PRKN: variants seen among roughly 807,000 people sequenced by gnomAD.
The protein encoded by PRKN is parkin RBR E3 ubiquitin protein ligase.
PRKN carries 56 observed loss-of-function variants against 59.5 expected under a neutral mutation model. That is an observed-to-expected ratio of 0.94 (90% CI 0.76 to 1.18). The LOEUF (loss-of-function observed/expected upper bound fraction) is 1.18. Ranked by LOEUF, PRKN falls within the 50% of genes most tolerant of loss-of-function variation. The pLI is 0.00. For synonymous variants in PRKN, 250 were observed against 222.1 expected, an observed-to-expected ratio of 1.13 and a Z score of -1.12; for missense variants, 657 against 596.4, an observed-to-expected ratio of 1.10 and a Z score of -1.06.
chr6:161,736,648 T>C (rs527365818), intron 7 of PRKN, among the ~76,000 whole-genome samples: 1 of 152,202 alleles, frequency 6.6e-6, no homozygotes, highest in Non-Finnish European at 1.5e-5. Context: ...TAGCAGGACA[T>C]CCAGCTAGGA....
At chr6:162,279,186 A>T (rs1280584394) in intron 2 of PRKN, among the ~76,000 whole-genome samples, 1 of 151,836 alleles carries the variant, frequency 6.6e-6, no homozygotes, top group Non-Finnish European at 1.5e-5. Flanking sequence ...AAAATACAAA[A>T]AATTAGCCAG....
chr6:162,572,050 T>A (rs1780354522), intron 1 of PRKN, among the ~76,000 whole-genome samples: 1 of 151,982 alleles, frequency 6.6e-6, no homozygotes, highest in Admixed American at 6.6e-5. Flanking sequence ...TCTTTGACTA[T>A]CCCCCATCTC....
intron 6 of PRKN, among the ~76,000 whole-genome samples, chr6:161,892,784 C>A (rs1246459813): frequency 6.6e-5 from 10 of 152,132 alleles, no homozygotes; most frequent in African/African-American, 1.4e-4. Context: ...AATTAATGGT[C>A]ATTTTGTGAA....
At chr6:161,974,337 C>T (rs75431673) in intron 5 of PRKN, among the ~76,000 whole-genome samples, 13,720 of 152,136 alleles carry the variant, frequency 0.09, 734 homozygotes, top group African/African-American at 0.14. Flanking sequence ...AGCATTCCTG[C>T]GAAGACTCTG....
intron 6 of PRKN, among the ~76,000 whole-genome samples, chr6:161,932,128 T>G (rs1007287745): frequency 2.5e-4 from 38 of 152,086 alleles, no homozygotes; most frequent in African/African-American, 8.9e-4. Flanking sequence ...TATAAAAAAT[T>G]CAGAAATATT....
At position 161,369,687 on chromosome 6, in the gene PRKN, G is replaced by A. The variant is rs1292135287; in HGVS notation, c.1168-9482C>T. Among the ~76,000 whole-genome samples, 2 of 151,990 alleles carry A rather than the reference G, an allele frequency of 1.3e-5. No homozygotes were observed. The highest frequency in any genetic ancestry group is 6.6e-5 in the Admixed American group (1 of 15,250). On this transcript the variant is annotated intron_variant, in intron 10 of 11. Coordinates refer to ENST00000366898, the MANE Select transcript of PRKN (RefSeq NM_004562.3). This position sits in a 1 kb window ranked among gnomAD's most constrained non-coding sequence, Gnocchi z 5.8. ...TGTACGCACGCGTGGTGGAGGTGGG[G>A]GTGGAACAGGACAAGTCTCTCTCCT... is the stretch of plus-strand genomic sequence containing the variant.
intron 7 of PRKN, among the ~76,000 whole-genome samples, chr6:161,718,353 A>G (rs188137252): frequency 6.8e-6 from 1 of 146,134 alleles, no homozygotes; most frequent in East Asian, 1.9e-4. Context: ...AATAATTCCC[A>G]TATGACTCAG....
chr6:162,568,733 G>A (rs1780190014), intron 1 of PRKN: 28 of 759,182 alleles, frequency 3.7e-5, no homozygotes, highest in South Asian at 3.5e-4. Context: ...ACATGTTCAA[G>A]AGCTACATCA....
At chr6:162,002,992 AT>A (rs377570310) in intron 5 of PRKN, among the ~76,000 whole-genome samples, 377 of 152,056 alleles carry the variant, frequency 2.5e-3, no homozygotes, top group African/African-American at 7.3e-3. Context: ...TATGATTTCT[AT>A]TCTTTTAAAT....
At chr6:161,794,184 C>T (rs1210267538) in intron 6 of PRKN, among the ~76,000 whole-genome samples, 1 of 152,094 alleles carries the variant, frequency 6.6e-6, no homozygotes, top group Non-Finnish European at 1.5e-5. Context: ...TATTTACTGT[C>T]ATGAAAGGAA....
chr6:161,583,890 T>C lies in PRKN; in HGVS notation c.872-14474A>G, dbSNP rs541678752. On this transcript the variant is annotated intron_variant, in intron 7 of 11. Transcript: ENST00000366898. ...CAGTGAGTCACCTAGACATGCATAT[T>C]TGCAAACCATTCAGAGGCATTAAAT... Among the ~76,000 whole-genome samples the C allele has an allele frequency of 3.1e-4, 47 of 152,330 alleles. No homozygotes were observed. The South Asian group carries it at 9.1e-3, about 30-fold the overall frequency.
chr6:161,539,556 T>C (rs116050316), intron 9 of PRKN, among the ~76,000 whole-genome samples: 2 of 80,664 alleles, frequency 2.5e-5, no homozygotes, highest in East Asian at 3.6e-4. Context: ...AAATTCTACC[T>C]AATAATAATT....
rs1273608531 is a variant in PRKN, at chr6:162,342,744, T to G, written c.172-79979A>C. Among the ~76,000 whole-genome samples, 3 of 152,174 alleles carry G rather than the reference T, an allele frequency of 2.0e-5. No individual in the cohort carries two copies. In the East Asian group the frequency reaches 5.8e-4, roughly 29 times the overall value. On this transcript the variant is annotated intron_variant, in intron 2 of 11. Transcript: ENST00000366898. ...TGCCGCATGACACAGACATAGAAACTAGAGTGATTTTCCTCCTTGTCAAGC... is the reference window on the plus strand; with the variant it reads ...TGCCGCATGACACAGACATAGAAACGAGAGTGATTTTCCTCCTTGTCAAGC...
chr6:162,057,650 C>T (rs547471515), intron 4 of PRKN, among the ~76,000 whole-genome samples: 25 of 152,284 alleles, frequency 1.6e-4, no homozygotes, highest in African/African-American at 5.3e-4. Context: ...CACTTTTTAA[C>T]GTGAGGACCT....
intron 2 of PRKN, among the ~76,000 whole-genome samples, chr6:162,433,648 C>G (rs1789640330): frequency 6.6e-6 from 1 of 152,170 alleles, no homozygotes; most frequent in African/African-American, 2.4e-5. Context: ...TTCTGAAGTT[C>G]TTAGTGTCCA....
chr6:162,502,361 A>G (rs907889388), intron 1 of PRKN, among the ~76,000 whole-genome samples: 1 of 152,020 alleles, frequency 6.6e-6, no homozygotes, highest in African/African-American at 2.4e-5. Flanking sequence ...AGGTCTCACT[A>G]TCTTGCCCAG....
At chr6:162,635,900 G>A (rs772284988) in intron 1 of PRKN, among the ~76,000 whole-genome samples, 1 of 152,020 alleles carries the variant, frequency 6.6e-6, no homozygotes, top group Non-Finnish European at 1.5e-5. Flanking sequence ...ATAATGGCAC[G>A]AGGCATGTTT....
At position 161,390,021 on chromosome 6, in the gene PRKN, A is replaced by ATTCC. The variant is rs1207026906; in HGVS notation, c.1084-3148_1084-3145dup. ...AAAGGCAAGCAAATGCTGCAGGAATATTCCGGTGATGACTTCACAGGGAGG... is the reference window on the plus strand; with the variant it reads ...AAAGGCAAGCAAATGCTGCAGGAATATTCCTTCCGGTGATGACTTCACAGGGAGG... On this transcript the variant is annotated intron_variant, in intron 9 of 11. Coordinates refer to ENST00000366898, the MANE Select transcript of PRKN (RefSeq NM_004562.3). This position sits in a 1 kb window ranked among gnomAD's most constrained non-coding sequence, Gnocchi z 7.0. Among the ~76,000 whole-genome samples the ATTCC allele has an allele frequency of 6.6e-6, 1 of 152,246 alleles. No individual in the cohort carries two copies. Among genetic ancestry groups the ATTCC allele is most frequent in the Non-Finnish European group, 1.5e-5 (1 of 68,042 alleles).
chr6:161,770,525 T>G (rs1340857811), intron 7 of PRKN, among the ~76,000 whole-genome samples: 2 of 152,078 alleles, frequency 1.3e-5, no homozygotes, highest in Non-Finnish European at 2.9e-5. Flanking sequence ...TGGAGTGCAA[T>G]GGTGCCGTCT....
Sources: gnomAD v4.1 joint callset for allele counts (sites outside exome capture counted in the v4.1 genomes callset) on GRCh38, gnomAD v4.1.1 for gene constraint, Gnocchi (gnomAD v3.1) non-coding constraint, MANE v1.5 for transcripts, NCBI Gene and HGNC (gene_info 2026-07-23, HGNC 2026-07-21) for gene names.